B4GALNT2: variants seen among roughly 807,000 people sequenced by gnomAD.
The protein encoded by B4GALNT2 is N-acetylneuraminylgalactosylglucosyl-glucoside beta-1,4-N- acetylgalactosaminyltransferase 2.
Under a neutral mutation model 51.1 loss-of-function variants are expected in B4GALNT2, and 42 were observed. The ratio of observed to expected loss-of-function variants is 0.82; its 90% confidence interval spans 0.64 to 1.06. The LOEUF is 1.06. Among genes scored for constraint, B4GALNT2 ranks in the 50% least tolerant of loss-of-function variants. The pLI, the probability that B4GALNT2 is intolerant of heterozygous loss-of-function variation, is 0.00. For missense variants in B4GALNT2, 602 were observed against 633.6 expected, an observed-to-expected ratio of 0.95 and a Z score of 0.54; for synonymous variants, 253 against 251.7, an observed-to-expected ratio of 1.01 and a Z score of -0.05.
chr17:49,167,678 T>C (rs1414994252), intron 9 of B4GALNT2, among the ~76,000 whole-genome samples: 6 of 147,208 alleles, frequency 4.1e-5, no homozygotes, highest in African/African-American at 1.5e-4. Context: ...GGCGCAATCC[T>C]GGCTCACTGC....
chr17:49,169,702 A>G lies in B4GALNT2; in HGVS notation c.1495A>G (p.Lys499Glu), dbSNP rs984824989. Residue 499 changes from lysine (K) to glutamate (E), a missense_variant, in exon 11 of 11, where the codon AAG (lysine) becomes GAG (glutamate). Transcript: ENST00000393354. ...GTTCAAGCTGGCCCTCCACTACTTC[A>G]AGAACCATCTCCAATGTGCCGCATA... is the stretch of plus-strand genomic sequence containing the variant. ...VQFKLALHYF[K>E]NHLQCAA is the part of the protein sequence containing the mutation. The G allele has an allele frequency of 5.0e-6, 8 of 1,594,306 alleles. No homozygotes were observed. Among genetic ancestry groups the G allele is most frequent in the Non-Finnish European group, 6.8e-6 (8 of 1,168,106 alleles).
intron 7 of B4GALNT2, among the ~76,000 whole-genome samples, chr17:49,161,248 C>G (rs955769207): frequency 6.8e-6 from 1 of 146,038 alleles, no homozygotes; most frequent in East Asian, 2.0e-4. Flanking sequence ...GCACTCCAGC[C>G]TGGGCAACAG....
At chr17:49,168,532 C>T (rs1433672320) in intron 9 of B4GALNT2, 149 bp from the exon 10 acceptor site, 21 of 820,964 alleles carry the variant, frequency 2.6e-5, no homozygotes, top group Admixed American at 9.1e-5. Context: ...ACAGCAGCAA[C>T]GAGGGAGTAA....
upstream of B4GALNT2, chr17:49,132,765 C>A: frequency 7.2e-7 from 1 of 1,388,992 alleles, no homozygotes; most frequent in Non-Finnish European, 9.3e-7. Context: ...CCGTGACATC[C>A]GGCAGTCTGA....
At chr17:49,127,144 G>GAAT in the B4GALNT2 span, among the ~76,000 whole-genome samples, 1 of 152,130 alleles carries the variant, frequency 6.6e-6, no homozygotes, top group Non-Finnish European at 1.5e-5. Context: ...TTCAGGACAA[G>GAAT]AATTTACCAT....
chr17:49,160,564 A>T lies in B4GALNT2; in HGVS notation c.689A>T (p.Glu230Val), dbSNP rs2042853935. The T allele has an allele frequency of 6.2e-7, 1 of 1,613,780 alleles. No individual in the cohort carries two copies. Among genetic ancestry groups the T allele is most frequent in the Non-Finnish European group, 8.5e-7 (1 of 1,179,808 alleles). ...QHQKVDIVSLESRSSVAKFPV... is the reference protein window; with the variant it reads ...QHQKVDIVSLVSRSSVAKFPV... ...TTATTTCTCCCTCCAGTGAGTCTGG[A>T]GTCCAGGTCCTCAGTGGCCAAGTTT... Residue 230 changes from glutamate (E) to valine (V), a missense_variant, in exon 7 of 11, where the codon GAG (glutamate) becomes GTG (valine). Physicochemically the swap from Glu to Val is moderately radical, Grantham distance 121. Coordinates refer to ENST00000393354, the MANE Select transcript of B4GALNT2 (RefSeq NM_001159387.2).
At chr17:49,163,891 C>A (rs2042886254) in intron 7 of B4GALNT2, among the ~76,000 whole-genome samples, 197 bp from the exon 8 acceptor site, 1 of 151,614 alleles carries the variant, frequency 6.6e-6, no homozygotes, top group African/African-American at 2.4e-5. Context: ...GGAAATGCAA[C>A]AAATTGGGTA....
intron 6 of B4GALNT2, 51 bp downstream of exon 6, chr17:49,159,268 T>C (rs1162719113): frequency 6.4e-7 from 1 of 1,554,766 alleles, no homozygotes; most frequent in Admixed American, 1.8e-5. Context: ...AGAAGATACC[T>C]CTGGGCCCTT....
intron 1 of B4GALNT2, chr17:49,133,138 T>A (rs1345014383): frequency 6.5e-7 from 1 of 1,527,662 alleles, no homozygotes; most frequent in Admixed American, 2.5e-5. Flanking sequence ...AGTGCGGGCT[T>A]CGGGGCTCTC....
chr17:49,149,433 G>C lies in B4GALNT2; in HGVS notation c.354-3367G>C, dbSNP rs1342331649. 2.0e-5 allele frequency among the ~76,000 whole-genome samples: 3 copies of C among 152,050 alleles called. No homozygotes were observed. The East Asian group carries it at 5.8e-4, about 29-fold the overall frequency. On this transcript the variant is annotated intron_variant, in intron 3 of 10. Transcript: ENST00000393354. Reference sequence around the variant, plus strand: ...GGCTGAGGTGGGCGGATCACTTGAGGCCAGGAGTTCGATACCAGCCTGGCC... The same window carrying C: ...GGCTGAGGTGGGCGGATCACTTGAGCCCAGGAGTTCGATACCAGCCTGGCC...
At chr17:49,135,208 T>TACAC (rs1263689726) in intron 1 of B4GALNT2, among the ~76,000 whole-genome samples, 48 of 152,346 alleles carry the variant, frequency 3.2e-4, no homozygotes, top group African/African-American at 1.1e-3. Flanking sequence ...AAACTCAAAT[T>TACAC]ACACATACAC....
intron 10 of B4GALNT2, 113 bp downstream of exon 10, chr17:49,169,013 A>G (rs1345218640): frequency 1.0e-5 from 11 of 1,069,888 alleles, no homozygotes; most frequent in Non-Finnish European, 1.5e-5. Context: ...GCCCAGTAGC[A>G]GTACATCCCT....
intron 3 of B4GALNT2, among the ~76,000 whole-genome samples, chr17:49,151,522 C>T (rs1422267951): frequency 5.3e-5 from 8 of 151,760 alleles, no homozygotes; most frequent in Admixed American, 6.6e-5. Flanking sequence ...CCAAGGCATG[C>T]GGATCATAAG....
At chr17:49,150,246 T>TG (rs1230227624) in intron 3 of B4GALNT2, among the ~76,000 whole-genome samples, 24 of 96,160 alleles carry the variant, frequency 2.5e-4, no homozygotes, top group East Asian at 1.2e-3. Flanking sequence ...GGGAGGGAGG[T>TG]GGGGGGGTCA....
In B4GALNT2 at chr17:49,171,597, C is replaced by T. The variant is rs111346628; in HGVS notation, c.*1869C>T. 0.11 allele frequency: 47,134 copies of T among 410,346 alleles called. 3,324 individuals carry two copies. Among genetic ancestry groups the T allele is most frequent in the South Asian group, 0.19 (10,377 of 55,694 alleles). The allele number at this position is 410,346 out of a possible 1,614,324, so 25.4% of individuals were successfully genotyped here. On this transcript the variant is annotated 3_prime_UTR_variant, in exon 11 of 11. Coordinates refer to ENST00000393354, the MANE Select transcript of B4GALNT2 (RefSeq NM_001159387.2). ...AGGTTGAGGTGCCACTATACCGCCA[C>T]GTTTCCAGATAATGGGAACTCTTGC...
intron 7 of B4GALNT2, among the ~76,000 whole-genome samples, chr17:49,160,943 T>C (rs1360022048): frequency 1.3e-5 from 2 of 152,162 alleles, no homozygotes; most frequent in East Asian, 1.9e-4. Flanking sequence ...AATCCTGATA[T>C]AAACCCAATA....
intron 3 of B4GALNT2, among the ~76,000 whole-genome samples, chr17:49,144,955 T>G (rs1455871026): frequency 6.6e-6 from 1 of 152,164 alleles, no homozygotes; most frequent in Admixed American, 6.5e-5. Flanking sequence ...AGATGTAGGC[T>G]GGGAGGCTAG....
In B4GALNT2 at chr17:49,168,876, C is replaced by T. The variant is rs767487284; in HGVS notation, c.1291C>T (p.Arg431Cys). 7.4e-6 allele frequency: 12 copies of T among 1,612,470 alleles called. No homozygotes were observed. Among genetic ancestry groups the T allele is most frequent in the South Asian group, 2.2e-5 (2 of 90,956 alleles). Residue 431 changes from arginine (R) to cysteine (C), a missense_variant, in exon 10 of 11, where the codon CGC (arginine) becomes TGC (cysteine). Arg to Cys is a radical substitution (Grantham distance 180, BLOSUM62 -3). Coordinates refer to ENST00000393354, the MANE Select transcript of B4GALNT2 (RefSeq NM_001159387.2). ...ACTCCAAAGAGTTGGCTTTGATCCC[C>T]GCCTGCAACGAGTGGCTCACTCAGG... is the stretch of plus-strand genomic sequence containing the variant. ...ERLQRVGFDP[R>C]LQRVAHSEFF... is the part of the protein sequence containing the mutation.
chr17:49,164,091 G>T lies in B4GALNT2; in HGVS notation c.770G>T (p.Arg257Met). 6.2e-7 allele frequency: 1 copy of T among 1,613,774 alleles called. No individual in the cohort carries two copies. The highest frequency in any genetic ancestry group is 1.1e-5 in the South Asian group (1 of 91,046). ...ACACCCACTGTTTTCTGCCCAGAGAGGAAGCTCAGAAACCTGGTTACCATT... is the reference window on the plus strand; with the variant it reads ...ACACCCACTGTTTTCTGCCCAGAGATGAAGCTCAGAAACCTGGTTACCATT... ...IPKLYDPGPERKLRNLVTIAT... is the reference protein window; with the variant it reads ...IPKLYDPGPEMKLRNLVTIAT... Residue 257 changes from arginine to methionine, a missense_variant, in exon 8 of 11, where the codon AGG becomes ATG. Physicochemically the swap from Arg to Met is moderately conservative, Grantham distance 91. Transcript: ENST00000393354.
Sources: allele counts gnomAD v4.1 joint callset (sites outside exome capture counted in the v4.1 genomes callset), GRCh38; gene constraint gnomAD v4.1.1; transcripts MANE v1.5; gene names NCBI Gene and HGNC (gene_info 2026-07-23, HGNC 2026-07-21).